The following SLC24A3 variants were observed in gnomAD, a reference collection of about 807,000 sequenced individuals.
SLC24A3 encodes the protein sodium/potassium/calcium exchanger 3.
In SLC24A3, 28 loss-of-function variants were observed where a neutral mutation model predicts 75.8. The observed-to-expected ratio is 0.37, with a 90% CI of 0.27 to 0.51. SLC24A3 has a LOEUF of 0.51. Among genes scored for constraint, SLC24A3 ranks in the 20% least tolerant of loss-of-function variants. The pLI is 0.94. For synonymous variants in SLC24A3, 372 were observed against 334.1 expected, an observed-to-expected ratio of 1.11 and a Z score of -1.24; for missense variants, 663 against 847.8, an observed-to-expected ratio of 0.78 and a Z score of 2.71.
At chr20:19,271,500 G>A (rs184030401) in intron 1 of SLC24A3, among the ~76,000 whole-genome samples, 2 of 152,210 alleles carry the variant, frequency 1.3e-5, no homozygotes, top group East Asian at 3.9e-4. Context: ...TCCACCCAGA[G>A]GAAAAGAAGT....
At chr20:19,267,061 A>G (rs1983187481) in intron 1 of SLC24A3, among the ~76,000 whole-genome samples, 1 of 152,162 alleles carries the variant, frequency 6.6e-6, no homozygotes, top group Non-Finnish European at 1.5e-5. Flanking sequence ...GATGAAATGA[A>G]CCATTTAAAA....
intron 9 of SLC24A3, among the ~76,000 whole-genome samples, chr20:19,675,874 G>C (rs2032516089): frequency 6.6e-6 from 1 of 152,148 alleles, no homozygotes; most frequent in Admixed American, 6.5e-5. Flanking sequence ...GTGCCAAAGT[G>C]GGGAAGCCTC....
intron 1 of SLC24A3, among the ~76,000 whole-genome samples, chr20:19,232,469 C>A (rs1193655801): frequency 3.9e-5 from 6 of 152,126 alleles, no homozygotes; most frequent in Admixed American, 3.9e-4. Context: ...TTATCTCAGT[C>A]TGGTTGGCAT....
intron 7 of SLC24A3, among the ~76,000 whole-genome samples, chr20:19,655,249 C>CA (rs1226223512): frequency 6.6e-6 from 1 of 152,200 alleles, no homozygotes; most frequent in Admixed American, 6.5e-5. Flanking sequence ...CGCTTCTCTC[C>CA]ACCCCAGCCA....
intron 2 of SLC24A3, among the ~76,000 whole-genome samples, chr20:19,405,508 T>G (rs781298087): frequency 1.3e-5 from 2 of 152,188 alleles, no homozygotes; most frequent in Non-Finnish European, 2.9e-5. Flanking sequence ...ACGACCAAAA[T>G]GTACTTAGTA....
In SLC24A3 at chr20:19,677,839, G is replaced by C. The variant is rs201289621; in HGVS notation, c.768-4019G>C. Among the ~76,000 whole-genome samples the C allele has an allele frequency of 2.5e-4, 38 of 152,096 alleles. 1 individual carries two copies. In the South Asian group the frequency reaches 3.1e-3, roughly 13 times the overall value. On this transcript the variant is annotated intron_variant, in intron 9 of 16. Transcript: ENST00000328041. ...AACAAAGGTCTCTGGTTTTCCTAGG[G>C]AGAGGACCCTGAGGCCTTCCGCAGT...
rs370215464 is a variant in SLC24A3, at chr20:19,553,835, C to G, written c.349-26165C>G. On this transcript the variant is annotated intron_variant, in intron 3 of 16. Coordinates refer to ENST00000328041, the MANE Select transcript of SLC24A3 (RefSeq NM_020689.4). ...TAAAATATTTGAGTGCAAAAAAAGA[C>G]GGAGCGTATAAAGACACAGGCCAGC... Among the ~76,000 whole-genome samples, 71 of 152,150 alleles carry G rather than the reference C, an allele frequency of 4.7e-4. No homozygotes were observed. In the Middle Eastern group the frequency reaches 0.01, roughly 22 times the overall value.
At chr20:19,664,076 A>C (rs2032369910) in intron 7 of SLC24A3, among the ~76,000 whole-genome samples, 1 of 152,218 alleles carries the variant, frequency 6.6e-6, no homozygotes, top group Non-Finnish European at 1.5e-5. Context: ...CTGGTCTAAT[A>C]AACTCTTTCT....
chr20:19,562,277 C>T (rs989096079), intron 3 of SLC24A3, among the ~76,000 whole-genome samples: 1 of 152,146 alleles, frequency 6.6e-6, no homozygotes, highest in South Asian at 2.1e-4. Flanking sequence ...TCACATTGTT[C>T]CTCTAACAGC....
intron 1 of SLC24A3, among the ~76,000 whole-genome samples, chr20:19,258,365 T>G (rs903353076): frequency 6.6e-6 from 1 of 152,218 alleles, no homozygotes; most frequent in Non-Finnish European, 1.5e-5. Flanking sequence ...CTTTGGGTAC[T>G]GGGCATCTTT....
intron 2 of SLC24A3, among the ~76,000 whole-genome samples, chr20:19,499,127 T>C (rs1236494272): frequency 3.3e-5 from 5 of 152,176 alleles, no homozygotes; most frequent in Non-Finnish European, 7.3e-5. Flanking sequence ...AGCAGCCAAG[T>C]AAAGACCACC....
intron 3 of SLC24A3, among the ~76,000 whole-genome samples, chr20:19,531,379 G>A (rs867862106): frequency 1.4e-4 from 22 of 152,336 alleles, no homozygotes; most frequent in African/African-American, 4.8e-4. Flanking sequence ...CATGGCATGT[G>A]GAAATATGTC....
At chr20:19,285,270 G>A (rs879744988) in intron 2 of SLC24A3, among the ~76,000 whole-genome samples, 6 of 152,104 alleles carry the variant, frequency 3.9e-5, no homozygotes, top group African/African-American at 9.7e-5. Flanking sequence ...TTGAGGCCAG[G>A]AGTTCGGGAC....
At chr20:19,315,899 G>A (rs557960180) in intron 2 of SLC24A3, among the ~76,000 whole-genome samples, 1 of 152,322 alleles carries the variant, frequency 6.6e-6, no homozygotes, top group South Asian at 2.1e-4. Flanking sequence ...AGCAAGCATC[G>A]TCACTTAGCC....
chr20:19,471,453 C>T (rs759003503), intron 2 of SLC24A3, among the ~76,000 whole-genome samples: 60 of 152,254 alleles, frequency 3.9e-4, no homozygotes, highest in South Asian at 1.2e-3. Flanking sequence ...AGCCAGATGC[C>T]GTCTCTGTGA....
In SLC24A3 at chr20:19,678,870, G is replaced by A. The variant is rs550635074; in HGVS notation, c.768-2988G>A. On this transcript the variant is annotated intron_variant, in intron 9 of 16. Coordinates refer to ENST00000328041, the MANE Select transcript of SLC24A3 (RefSeq NM_020689.4). The stretch of plus-strand genomic sequence containing the variant: ...CGCTCCTCACCTCCCAGACGGGGTC[G>A]CGGCCGGGCAGAGGCTCTCCTCACA... 3.6e-3 allele frequency among the ~76,000 whole-genome samples: 541 copies of A among 151,138 alleles called. 1 individual carries two copies. Among genetic ancestry groups the A allele is most frequent in the African/African-American group, 0.013 (523 of 41,158 alleles).
chr20:19,665,317 A>G (rs1328003124), intron 7 of SLC24A3, among the ~76,000 whole-genome samples: 1 of 152,090 alleles, frequency 6.6e-6, no homozygotes, highest in East Asian at 1.9e-4. Context: ...TTGATCCCCT[A>G]CTTCTGGTTG....
chr20:19,371,096 G>A (rs1282710253), intron 2 of SLC24A3, among the ~76,000 whole-genome samples: 1 of 152,164 alleles, frequency 6.6e-6, no homozygotes, highest in Non-Finnish European at 1.5e-5. Flanking sequence ...CCCTCTGGGA[G>A]GTGAATGAGG....
intron 2 of SLC24A3, among the ~76,000 whole-genome samples, chr20:19,498,238 T>C (rs1988325847): frequency 6.6e-6 from 1 of 152,186 alleles, no homozygotes; most frequent in African/African-American, 2.4e-5. Flanking sequence ...GTATAATTAT[T>C]TCATTATATA....
Sources: gnomAD v4.1 joint callset for allele counts (sites outside exome capture counted in the v4.1 genomes callset) on GRCh38, gnomAD v4.1.1 for gene constraint, MANE v1.5 for transcripts, NCBI Gene and HGNC (gene_info 2026-07-23, HGNC 2026-07-21) for gene names.